ST7: variants seen among roughly 807,000 people sequenced by gnomAD.
The protein encoded by ST7 is suppressor of tumorigenicity 7 protein.
Under a neutral mutation model 78.7 loss-of-function variants are expected in ST7, and 28 were observed. The ratio of observed to expected loss-of-function variants is 0.36; its 90% CI spans 0.26 to 0.49. The LOEUF (loss-of-function observed/expected upper bound fraction) is 0.49. Among genes scored for constraint, ST7 ranks in the 20% least tolerant of loss-of-function variants. The pLI, the probability that ST7 is intolerant of heterozygous loss-of-function variation, is 0.99. For missense variants in ST7, 418 were observed against 696.0 expected (o/e 0.60, Z 4.49); for synonymous variants, 247 against 249.6 (o/e 0.99, Z 0.10).
chr7:117,162,652 G>T (rs999871455), intron 9 of ST7, among the ~76,000 whole-genome samples: 2 of 151,868 alleles, frequency 1.3e-5, no homozygotes, highest in African/African-American at 4.8e-5. Context: ...TTTTGCTACA[G>T]TCTGCCAAAC....
chr7:116,979,298 A>AT (rs1793840858), intron 1 of ST7, among the ~76,000 whole-genome samples: 1 of 152,154 alleles, frequency 6.6e-6, no homozygotes, highest in Admixed American at 6.5e-5. Context: ...TCATTGAAAT[A>AT]TTTTTTTGTT....
chr7:116,968,464 T>C, intron 1 of ST7: 1 of 452,264 alleles, frequency 2.2e-6, no homozygotes, highest in South Asian at 1.6e-5. Flanking sequence ...TGCCTCAACC[T>C]TCTGATTATT....
chr7:117,080,066 C>G (rs1046327947), intron 1 of ST7, among the ~76,000 whole-genome samples: 1 of 147,438 alleles, frequency 6.8e-6, no homozygotes, highest in Non-Finnish European at 1.5e-5. Context: ...CCGCAAGCTC[C>G]GCCTCCCGGG....
intron 1 of ST7, chr7:116,967,501 A>G: frequency 2.4e-6 from 1 of 423,456 alleles, no homozygotes; most frequent in South Asian, 1.7e-5. Context: ...GTCCAGTCCC[A>G]GTGGACCTTT....
intron 15 of ST7, chr7:117,223,116 A>T (rs1401935690): frequency 4.6e-6 from 3 of 654,830 alleles, no homozygotes; most frequent in African/African-American, 3.6e-5. Context: ...CCCACATCCC[A>T]TCGTCTCGGC....
At chr7:117,114,678 G>T (rs1379435578) in intron 2 of ST7, among the ~76,000 whole-genome samples, 1 of 152,166 alleles carries the variant, frequency 6.6e-6, no homozygotes, top group Admixed American at 6.5e-5. Context: ...TGGAAATCTG[G>T]AGGCATTTTT....
chr7:117,043,040 T>C (rs1360078097), intron 1 of ST7, among the ~76,000 whole-genome samples: 3 of 152,172 alleles, frequency 2.0e-5, no homozygotes, highest in Non-Finnish European at 2.9e-5. Flanking sequence ...TGAACCTCAT[T>C]GCAACACATA....
chr7:116,964,501 T>G (rs1793003445), intron 1 of ST7, among the ~76,000 whole-genome samples: 1 of 152,208 alleles, frequency 6.6e-6, no homozygotes, highest in Non-Finnish European at 1.5e-5. Flanking sequence ...TTTGTACTTT[T>G]CCCTGGGGCT....
intron 3 of ST7, among the ~76,000 whole-genome samples, chr7:117,123,202 A>G (rs1803546641): frequency 6.6e-6 from 1 of 152,150 alleles, no homozygotes; most frequent in Non-Finnish European, 1.5e-5. Context: ...AAGTAAGAAT[A>G]AAGGGGAAAT....
At chr7:117,134,826 T>C (rs1804650400) in intron 7 of ST7, among the ~76,000 whole-genome samples, 1 of 152,016 alleles carries the variant, frequency 6.6e-6, no homozygotes, top group Non-Finnish European at 1.5e-5. Flanking sequence ...TTTCTGGGCA[T>C]TTTTCTCCCT....
intron 13 of ST7, 122 bp downstream of exon 13, chr7:117,210,059 C>A: frequency 8.6e-7 from 1 of 1,159,666 alleles, no homozygotes; most frequent in Non-Finnish European, 1.2e-6. Context: ...TCTGTGATGG[C>A]CCATCTAAGC....
chr7:116,984,799 T>C (rs930499212), intron 1 of ST7, among the ~76,000 whole-genome samples: 3 of 152,200 alleles, frequency 2.0e-5, no homozygotes, highest in African/African-American at 7.2e-5. Flanking sequence ...CATGCAAGGA[T>C]GTTAAAACAG....
chr7:117,030,742 T>G (rs186704484), intron 1 of ST7, among the ~76,000 whole-genome samples: 1 of 152,304 alleles, frequency 6.6e-6, no homozygotes, highest in East Asian at 1.9e-4. Flanking sequence ...CTGGTGGAAG[T>G]GTAAATTAGT....
chr7:117,014,970 A>T (rs1263520940), intron 1 of ST7: 5 of 1,364,244 alleles, frequency 3.7e-6, no homozygotes, highest in Non-Finnish European at 3.8e-6. Flanking sequence ...TTGTACTTGG[A>T]AAATACTCAG....
chr7:116,955,135 T>C (rs1257479314), intron 1 of ST7: 4 of 470,912 alleles, frequency 8.5e-6, no homozygotes, highest in Non-Finnish European at 1.3e-5. Flanking sequence ...CGCAATATTG[T>C]CTTCTTCGCT....
At position 117,190,862 on chromosome 7, in the gene ST7, G is replaced by C. The variant is rs1256723471; in HGVS notation, c.1180G>C (p.Gly394Arg). The change falls in exon 12 of 16, where the codon GGG becomes CGG. Residue 394 changes from glycine to arginine, a missense_variant. Physicochemically the swap from Gly to Arg is moderately radical, Grantham distance 125. Around this residue, in one of 4 missense-constraint regions of ST7, gnomAD observed 288 missense variants for 537.1 expected, o/e 0.54. Transcript: ENST00000323984. This position sits in a 1 kb window ranked among gnomAD's most constrained non-coding sequence, Gnocchi z 5.2. ...CTCTCCTGAGGCTGCATCTCGGCGG[G>C]GGCTGAGCACAGCAGAGATGAATGC... ...KFSPEAASRR[G>R]LSTAEMNAVE... The C allele has an allele frequency of 6.2e-7, 1 of 1,613,832 alleles. No individual in the cohort carries two copies. The highest frequency in any genetic ancestry group is 8.5e-7 in the Non-Finnish European group (1 of 1,180,000).
chr7:117,033,917 G>A (rs1277592677), intron 1 of ST7, among the ~76,000 whole-genome samples: 1 of 152,048 alleles, frequency 6.6e-6, no homozygotes, highest in African/African-American at 2.4e-5. Context: ...GAGCTGCTAT[G>A]AGGTCGTTTT....
chr7:117,165,735 C>T (rs1807502893), intron 9 of ST7, among the ~76,000 whole-genome samples: 1 of 152,046 alleles, frequency 6.6e-6, no homozygotes. Flanking sequence ...AGTACTTAAC[C>T]AGCAGATGAA....
At chr7:116,966,024 TG>T (rs1793092247) in intron 1 of ST7, 2 of 438,404 alleles carry the variant, frequency 4.6e-6, no homozygotes, top group Admixed American at 5.8e-5. Flanking sequence ...CATGCCCACC[TG>T]GCCATTGGTT....
Sources: allele counts gnomAD v4.1 joint callset (sites outside exome capture counted in the v4.1 genomes callset), GRCh38; gene constraint gnomAD v4.1.1; regional missense constraint gnomAD v4.1.1; non-coding constraint Gnocchi (gnomAD v3.1); transcripts MANE v1.5; gene names NCBI Gene and HGNC (gene_info 2026-07-23, HGNC 2026-07-21).